BCL2L1: variants seen among roughly 807,000 people sequenced by gnomAD.
BCL2L1 encodes the protein BCL2 like 1.
BCL2L1 carries 1 observed loss-of-function variant against 18.7 expected under a neutral mutation model. The observed-to-expected ratio is 0.05, with a 90% CI of 0.02 to 0.25. The LOEUF (loss-of-function observed/expected upper bound fraction) is 0.25. BCL2L1 is among the 10% of genes least tolerant of loss of function. The probability of loss-of-function intolerance (pLI) is 1.00; values close to 1 mark genes in which losing one functional copy is unlikely to be tolerated. For missense variants in BCL2L1, 207 were observed against 304.9 expected (o/e 0.68, Z 2.39); for synonymous variants, 103 against 122.7 (o/e 0.84, Z 1.06).
intron 2 of BCL2L1, among the ~76,000 whole-genome samples, chr20:31,680,580 G>A (rs1163514612): frequency 2.0e-5 from 3 of 152,176 alleles, no homozygotes; most frequent in African/African-American, 7.2e-5. Context: ...AGTTTTCTAA[G>A]ATGGGACATG....
At chr20:31,685,033 C>A (rs1025478092) in intron 2 of BCL2L1, among the ~76,000 whole-genome samples, 2 of 152,144 alleles carry the variant, frequency 1.3e-5, no homozygotes, top group Non-Finnish European at 2.9e-5. Flanking sequence ...TTTAGAGACT[C>A]TATATAATTT....
intron 2 of BCL2L1, among the ~76,000 whole-genome samples, chr20:31,700,543 T>A (rs968378801): frequency 2.0e-5 from 3 of 152,192 alleles, no homozygotes; most frequent in Non-Finnish European, 4.4e-5. Flanking sequence ...CACATATGCC[T>A]AAAATTTGAC....
chr20:31,684,892 C>T (rs2060928899), intron 2 of BCL2L1, among the ~76,000 whole-genome samples: 2 of 152,240 alleles, frequency 1.3e-5, no homozygotes, highest in Non-Finnish European at 2.9e-5. Context: ...GTGTTCACCA[C>T]ATGCAGCTGC....
At chr20:31,668,258 T>A (rs2060615502) in intron 2 of BCL2L1, among the ~76,000 whole-genome samples, 1 of 151,432 alleles carries the variant, frequency 6.6e-6, no homozygotes, top group Non-Finnish European at 1.5e-5. Context: ...CTGCCTTGTC[T>A]AAAACAGTAC....
chr20:31,672,763 G>T (rs762905650), intron 2 of BCL2L1, among the ~76,000 whole-genome samples: 8 of 152,234 alleles, frequency 5.3e-5, no homozygotes, highest in Non-Finnish European at 1.0e-4. Flanking sequence ...TGAGGAAAGG[G>T]GCCCAAGTGC....
At chr20:31,714,404 GCT>G (rs1429738122) in intron 2 of BCL2L1, among the ~76,000 whole-genome samples, 1 of 152,208 alleles carries the variant, frequency 6.6e-6, no homozygotes, top group Non-Finnish European at 1.5e-5. Flanking sequence ...GCAAGGGCCT[GCT>G]CTGAGATGTG....
At chr20:31,686,561 T>C (rs2060958592) in intron 2 of BCL2L1, among the ~76,000 whole-genome samples, 1 of 152,168 alleles carries the variant, frequency 6.6e-6, no homozygotes, top group Non-Finnish European at 1.5e-5. Context: ...AGCTGTAATA[T>C]CTTAGAGATG....
intron 2 of BCL2L1, among the ~76,000 whole-genome samples, chr20:31,698,881 TATATCTCCAA>T (rs1488930999): frequency 6.6e-6 from 1 of 152,098 alleles, no homozygotes; most frequent in African/African-American, 2.4e-5. Flanking sequence ...AGATCTCCAA[TATATCTCCAA>T]TAGTGTGGTG....
chr20:31,721,875 G>C lies in BCL2L1; in HGVS notation c.344C>G (p.Thr115Ser). ...FSDLTSQLHI[T>S]PGTAYQSFEQ... ...AAAGCTCTGATATGCTGTCCCTGGG[G>C]TGATGTGGAGCTGGGATGTCAGGTC... The change falls in exon 2 of 3, where the codon ACC (threonine) becomes AGC (serine). Residue 115 changes from threonine (T) to serine (S), a missense_variant. By Grantham distance (58) the Thr-to-Ser change is moderately conservative (BLOSUM62 1). Coordinates refer to ENST00000307677, the MANE Select transcript of BCL2L1 (RefSeq NM_138578.3). The C allele has an allele frequency of 6.2e-7, 1 of 1,614,232 alleles. No homozygotes were observed. Among genetic ancestry groups the C allele is most frequent in the Non-Finnish European group, 8.5e-7 (1 of 1,180,050 alleles).
At chr20:31,711,065 C>T (rs1412582931) in intron 2 of BCL2L1, among the ~76,000 whole-genome samples, 1 of 152,092 alleles carries the variant, frequency 6.6e-6, no homozygotes, top group African/African-American at 2.4e-5. Flanking sequence ...CTCTCTGAAC[C>T]CTAGATTCTC....
At chr20:31,670,208 C>G (rs1026174454) in intron 2 of BCL2L1, among the ~76,000 whole-genome samples, 1 of 152,214 alleles carries the variant, frequency 6.6e-6, no homozygotes, top group Admixed American at 6.5e-5. Flanking sequence ...TCCATCCTAG[C>G]TAGCCTCTGC....
Position 31,685,092 on chromosome 20 carries a change from G to C in BCL2L1, c.565-19006C>G, listed in dbSNP as rs118122744. ...TCCATTAAAGCTTTTTCTTCTTCTA[G>C]TATATTTTTATTAAGAATTGAGAAA... On this transcript the variant is annotated intron_variant, in intron 2 of 2. Transcript: ENST00000307677. 4.5e-4 allele frequency among the ~76,000 whole-genome samples: 68 copies of C among 152,254 alleles called. 2 individuals carry two copies. In the East Asian group the frequency reaches 0.011, roughly 26 times the overall value.
At chr20:31,723,171 G>A, upstream of BCL2L1, 1 of 537,240 alleles carries the variant, frequency 1.9e-6, no homozygotes, top group Non-Finnish European at 2.4e-6. Context: ...CCCCAGGCCT[G>A]TCTGTGATGT....
chr20:31,720,450 G>T, intron 2 of BCL2L1: 1 of 805,674 alleles, frequency 1.2e-6, no homozygotes, highest in Non-Finnish European at 1.5e-6. Flanking sequence ...CATAAAACCT[G>T]CACCTCCGCT....
chr20:31,717,245 A>C (rs1452871929), intron 2 of BCL2L1, among the ~76,000 whole-genome samples: 3 of 152,210 alleles, frequency 2.0e-5, no homozygotes, highest in Non-Finnish European at 2.9e-5. Flanking sequence ...CTGGACACAG[A>C]GGAGGACGCT....
intron 2 of BCL2L1, among the ~76,000 whole-genome samples, chr20:31,677,775 ATCTC>A (rs1244460571): frequency 6.6e-6 from 1 of 152,022 alleles, no homozygotes. Context: ...TGTCCCACTT[ATCTC>A]TGAGGTCTTA....
chr20:31,692,905 G>A (rs867588673), intron 2 of BCL2L1, among the ~76,000 whole-genome samples: 2 of 150,298 alleles, frequency 1.3e-5, no homozygotes, highest in African/African-American at 2.4e-5. Flanking sequence ...AGTGAGACTC[G>A]GTCTTAAAAA....
At chr20:31,695,181 C>T (rs2122654283) in intron 2 of BCL2L1, among the ~76,000 whole-genome samples, 1 of 152,368 alleles carries the variant, frequency 6.6e-6, no homozygotes, top group South Asian at 2.1e-4. Context: ...CTGGTATAAA[C>T]TGCTGTTATC....
upstream of BCL2L1, chr20:31,723,667 GA>G: frequency 1.0e-6 from 1 of 985,574 alleles, no homozygotes; most frequent in African/African-American, 1.7e-5. Flanking sequence ...AGCCGGCACG[GA>G]AGCGGGACGG....
Sources: allele counts gnomAD v4.1 joint callset (sites outside exome capture counted in the v4.1 genomes callset), GRCh38; gene constraint gnomAD v4.1.1; transcripts MANE v1.5; gene names NCBI Gene and HGNC (gene_info 2026-07-23, HGNC 2026-07-21).